PRMT2: variants seen among roughly 807,000 people sequenced by gnomAD.
PRMT2 encodes the protein protein arginine N-methyltransferase 2.
In PRMT2, 26 loss-of-function variants were observed where a neutral mutation model predicts 57.6. The observed-to-expected ratio is 0.45, with a 90% CI of 0.33 to 0.63. PRMT2 has a LOEUF of 0.63. Among genes scored for constraint, PRMT2 ranks in the 20% least tolerant of loss-of-function variants. The pLI is 0.02. For synonymous variants in PRMT2, 219 were observed against 220.0 expected (o/e 1.00, Z 0.04); for missense variants, 472 against 564.4 (o/e 0.84, Z 1.66).
rs535744123 is a variant in PRMT2, at chr21:46,638,133, T to C, written c.39+1143T>C. 7.7e-4 allele frequency among the ~76,000 whole-genome samples: 117 copies of C among 152,290 alleles called. 1 individual carries two copies. Among genetic ancestry groups the C allele is most frequent in the African/African-American group, 2.6e-3 (109 of 41,570 alleles). On this transcript the variant is annotated intron_variant, in intron 3 of 11. Transcript: ENST00000355680. Reference sequence around the variant, plus strand: ...TATATAGATATACTTGAATGACATATGATATTGTTTGTGTGGGCTTTTTAG... The same window carrying C: ...TATATAGATATACTTGAATGACATACGATATTGTTTGTGTGGGCTTTTTAG...
intron 3 of PRMT2, among the ~76,000 whole-genome samples, chr21:46,640,114 A>T (rs1482605433): frequency 6.6e-6 from 1 of 152,138 alleles, no homozygotes; most frequent in Non-Finnish European, 1.5e-5. Flanking sequence ...TAACTACTTC[A>T]TAAGGTAAAG....
chr21:46,636,676 C>T, intron 2 of PRMT2, 129 bp downstream of exon 2: 1 of 445,532 alleles, frequency 2.2e-6, no homozygotes, highest in Non-Finnish European at 4.0e-6. Context: ...AAGATTAACA[C>T]CTTGCAGACT....
In PRMT2 at chr21:46,649,678, A is replaced by G. The variant is rs535143349; in HGVS notation, c.593A>G (p.Asp198Gly). 6.2e-7 allele frequency: 1 copy of G among 1,613,784 alleles called. No individual in the cohort carries two copies. The highest frequency in any genetic ancestry group is 1.1e-5 in the South Asian group (1 of 91,060). The change falls in exon 7 of 12, where the codon GAT becomes GGT. Residue 198 changes from aspartate to glycine, a missense_variant. By Grantham distance (94) the Asp-to-Gly change is moderately conservative (BLOSUM62 -1). Coordinates refer to ENST00000355680, the MANE Select transcript of PRMT2 (RefSeq NM_206962.4). This position sits in a 1 kb window ranked among gnomAD's most constrained non-coding sequence, Gnocchi z 4.8. ...IITVYQQKVE[D>G]VVLPEKVDVL... ...ACCGTGTACCAGCAGAAGGTGGAGG[A>G]TGTGGTGCTGCCCGAGAAGGTGGAC...
rs2061391342 is a variant in PRMT2, at chr21:46,648,043, G to A, written c.328-415G>A. On this transcript the variant is annotated intron_variant, in intron 5 of 11. Transcript: ENST00000355680. This position sits in a 1 kb window ranked among gnomAD's most constrained non-coding sequence, Gnocchi z 4.8. ...TTGAAACTAATTTTATTATCATTTT[G>A]TTGTGCTTTCTCCTTTAGTAGGTAC... Among the ~76,000 whole-genome samples the A allele has an allele frequency of 6.6e-6, 1 of 151,860 alleles. No homozygotes were observed. The highest frequency in any genetic ancestry group is 2.4e-5 in the African/African-American group (1 of 41,336).
At position 46,643,572 on chromosome 21, in the gene PRMT2, T is replaced by C. The variant is rs772897478; in HGVS notation, c.77T>C (p.Leu26Pro). The C allele has an allele frequency of 2.5e-6, 4 of 1,609,314 alleles. No individual in the cohort carries two copies. The highest frequency in any genetic ancestry group is 3.4e-6 in the Non-Finnish European group (4 of 1,178,516). Reference protein sequence around the residue: ...EPAECSEAGLLQEGVQPEEFV... With the variant: ...EPAECSEAGLPQEGVQPEEFV... Reference sequence around the variant, plus strand: ...GCTGAGTGCAGTGAGGCCGGTCTCCTGCAGGAGGGAGTACAGCCAGAGGAG... The same window carrying C: ...GCTGAGTGCAGTGAGGCCGGTCTCCCGCAGGAGGGAGTACAGCCAGAGGAG... Residue 26 changes from leucine to proline, a missense_variant, in exon 4 of 12, where the codon CTG becomes CCG. By Grantham distance (98) the Leu-to-Pro change is moderately conservative. This residue lies in a region of PRMT2 where 243 missense variants were observed against 347.2 expected (regional missense o/e 0.70). Transcript: ENST00000355680.
At chr21:46,661,290 GT>G (rs904327749) in intron 9 of PRMT2, 1 of 187,798 alleles carries the variant, frequency 5.3e-6, no homozygotes, top group Non-Finnish European at 1.1e-5. Flanking sequence ...TTGCATTACA[GT>G]TTTTTTCAAG....
chr21:46,645,354 A>T (rs761143619), intron 5 of PRMT2, among the ~76,000 whole-genome samples: 1 of 152,256 alleles, frequency 6.6e-6, no homozygotes, highest in Non-Finnish European at 1.5e-5. Context: ...TAATCACAGG[A>T]CTTTGGGAAG....
chr21:46,636,665 C>T lies in PRMT2; in HGVS notation c.-57+118C>T, dbSNP rs867028380. ...AAACTAACAGGCTTCAGCAAATGAA[C>T]AAGATTAACACCTTGCAGACTAGTG... On this transcript the variant is annotated intron_variant, in intron 2 of 11. Coordinates refer to ENST00000355680, the MANE Select transcript of PRMT2 (RefSeq NM_206962.4). 25 of 393,232 alleles carry T rather than the reference C, an allele frequency of 6.4e-5. No individual in the cohort carries two copies. The Middle Eastern group carries it at 3.8e-3, about 60-fold the overall frequency. 24.4% of individuals were successfully genotyped at this position (393,232 alleles called of 1,614,324 possible). A position where few individuals can be genotyped will look rare whatever the true frequency, so the allele number is the denominator to read the frequency against.
chr21:46,640,242 G>A (rs2061247719), intron 3 of PRMT2, among the ~76,000 whole-genome samples: 1 of 151,972 alleles, frequency 6.6e-6, no homozygotes, highest in South Asian at 2.1e-4. Context: ...TTACGCTATC[G>A]AGTCTTTTTT....
chr21:46,658,271 G>A (rs2061568520), intron 7 of PRMT2: 1 of 154,438 alleles, frequency 6.5e-6, no homozygotes, highest in African/African-American at 2.4e-5. Context: ...GTGGACCAAA[G>A]GACCCGTGAA....
chr21:46,664,493 C>T lies in PRMT2; in HGVS notation c.*166C>T. On this transcript the variant is annotated 3_prime_UTR_variant, in exon 12 of 12. Coordinates refer to ENST00000355680, the MANE Select transcript of PRMT2 (RefSeq NM_206962.4). ...AGGTGACGTCAGGGTCCTTCACAGA[C>T]AAACACGCTTGGGCTCGGCAGGAGC... The T allele has an allele frequency of 1.2e-6, 1 of 868,134 alleles. No individual in the cohort carries two copies. Among genetic ancestry groups the T allele is most frequent in the Non-Finnish European group, 1.8e-6 (1 of 540,564 alleles). The allele number at this position is 868,134 out of a possible 1,614,324, so 53.8% of individuals were successfully genotyped here. A position where few individuals can be genotyped will look rare whatever the true frequency, so the allele number is the denominator to read the frequency against.
At chr21:46,655,364 C>T (rs1006167692) in intron 7 of PRMT2, among the ~76,000 whole-genome samples, 6 of 151,778 alleles carry the variant, frequency 4.0e-5, no homozygotes, top group South Asian at 2.1e-4. Flanking sequence ...TACACCATAA[C>T]AAAAAAAGAA....
rs2061425301 is a variant in PRMT2 at position 46,649,984 on chromosome 21, C to T, written c.654+245C>T. Reference sequence around the variant, plus strand: ...ATGTAACATTTTCATGAGTGATTTACATGAACTGTGTTCTCCTCGGGGATC... The same window carrying T: ...ATGTAACATTTTCATGAGTGATTTATATGAACTGTGTTCTCCTCGGGGATC... On this transcript the variant is annotated intron_variant, in intron 7 of 11. Transcript: ENST00000355680. This position sits in a 1 kb window ranked among gnomAD's most constrained non-coding sequence, Gnocchi z 4.8. 4 of 1,429,030 alleles carry T rather than the reference C, an allele frequency of 2.8e-6. No individual in the cohort carries two copies. In the South Asian group the frequency reaches 6.0e-5, roughly 21 times the overall value. 88.5% of individuals were successfully genotyped at this position (1,429,030 alleles called of 1,614,324 possible). A position where few individuals can be genotyped will look rare whatever the true frequency, so the allele number is the denominator to read the frequency against.
intron 3 of PRMT2, among the ~76,000 whole-genome samples, chr21:46,641,639 C>A (rs974285115): frequency 3.9e-5 from 6 of 151,974 alleles, no homozygotes; most frequent in African/African-American, 1.5e-4. Context: ...TTGCAGTGAG[C>A]CGAGATTGTG....
In PRMT2 at chr21:46,661,749, C is replaced by T. The variant is rs115587551; in HGVS notation, c.961-51C>T. The T allele has an allele frequency of 1.4e-3, 1,796 of 1,284,706 alleles. 23 individuals are homozygous for T. In the African/African-American group the frequency reaches 0.024, roughly 17 times the overall value. The allele number at this position is 1,284,706 out of a possible 1,614,324, so 79.6% of individuals were successfully genotyped here. ...TGGAGGGGGCCGCCCCAACCCGGGC[C>T]CTGCGGTGCCACGCGGTGCCCACGC... On this transcript the variant is annotated intron_variant, in intron 9 of 11. Transcript: ENST00000355680.
Position 46,664,687 on chromosome 21 carries a change from C to T in PRMT2, c.*360C>T. On this transcript the variant is annotated 3_prime_UTR_variant, in exon 12 of 12. Coordinates refer to ENST00000355680, the MANE Select transcript of PRMT2 (RefSeq NM_206962.4). ...GGACGCACGCATATCAGCCCGTGTA[C>T]CCTGTGACAGTGACTGTCCCCACCT... 1 of 298,230 alleles carries T rather than the reference C, an allele frequency of 3.4e-6. No individual in the cohort carries two copies. The highest frequency in any genetic ancestry group is 6.5e-6 in the Non-Finnish European group (1 of 154,982). The allele number at this position is 298,230 out of a possible 1,614,324, so 18.5% of individuals were successfully genotyped here.
Position 46,640,889 on chromosome 21 carries a change from T to C in PRMT2, c.40-2646T>C, listed in dbSNP as rs182868601. On this transcript the variant is annotated intron_variant, in intron 3 of 11. Coordinates refer to ENST00000355680, the MANE Select transcript of PRMT2 (RefSeq NM_206962.4). ...TCATTTTGTGCTTCAGTTTGGAAAA[T>C]TTCTGTTGACCTGACTCTTGAGGCG... 1.9e-4 allele frequency among the ~76,000 whole-genome samples: 29 copies of C among 151,792 alleles called. No individual in the cohort carries two copies. The East Asian group carries it at 5.4e-3, about 28-fold the overall frequency.
Position 46,664,529 on chromosome 21 carries a change from A to G in PRMT2, c.*202A>G, listed in dbSNP as rs2061675760. The G allele has an allele frequency of 1.5e-6, 1 of 650,426 alleles. No homozygotes were observed. Among genetic ancestry groups the G allele is most frequent in the Admixed American group, 2.4e-5 (1 of 42,124 alleles). 40.3% of individuals were successfully genotyped at this position (650,426 alleles called of 1,614,324 possible). ...GGGCTCGGCAGGAGCTGCCGTGGCC[A>G]CCCCCGCTGCCCAGTGTCTGCCCTC... is the stretch of plus-strand genomic sequence containing the variant. On this transcript the variant is annotated 3_prime_UTR_variant, in exon 12 of 12. Transcript: ENST00000355680.
chr21:46,652,824 C>T lies in PRMT2; in HGVS notation c.654+3085C>T, dbSNP rs1040590552. On this transcript the variant is annotated intron_variant, in intron 7 of 11. Coordinates refer to ENST00000355680, the MANE Select transcript of PRMT2 (RefSeq NM_206962.4). The stretch of plus-strand genomic sequence containing the variant: ...TTAACAAAGCAGGTGACAATTGAGC[C>T]CTAATTTGCGTTATCATTAGTTGTT... The T allele has an allele frequency of 4.7e-6, 6 of 1,273,706 alleles. No homozygotes were observed. In the Admixed American group the frequency reaches 1.6e-4, roughly 34 times the overall value. The allele number at this position is 1,273,706 out of a possible 1,614,324, so 78.9% of individuals were successfully genotyped here. A position where few individuals can be genotyped will look rare whatever the true frequency, so the allele number is the denominator to read the frequency against.
Sources: allele counts gnomAD v4.1 joint callset (sites outside exome capture counted in the v4.1 genomes callset), GRCh38; gene constraint gnomAD v4.1.1; regional missense constraint gnomAD v4.1.1; non-coding constraint Gnocchi (gnomAD v3.1); transcripts MANE v1.5; gene names NCBI Gene and HGNC (gene_info 2026-07-23, HGNC 2026-07-21).